The following LAMB4 variants were observed in gnomAD, a reference collection of about 807,000 sequenced individuals.
LAMB4 encodes laminin subunit beta 4.
In LAMB4, 196 loss-of-function variants were observed where a neutral mutation model predicts 199.2. The observed-to-expected ratio is 0.98, with a 90% CI of 0.88 to 1.11. The LOEUF (loss-of-function observed/expected upper bound fraction) is 1.11, where lower values mean the gene tolerates loss of function less well. Ranked by LOEUF, LAMB4 falls within the 50% of genes least tolerant of loss-of-function variation. The probability of loss-of-function intolerance (pLI) is 0.00; values close to 1 mark genes in which losing one functional copy is unlikely to be tolerated. For synonymous variants in LAMB4, 744 were observed against 770.6 expected, an observed-to-expected ratio of 0.97 and a Z score of 0.57; for missense variants, 2,080 against 2,171.2, an observed-to-expected ratio of 0.96 and a Z score of 0.83.
At chr7:108,094,441 C>T (rs569054757) in intron 12 of LAMB4, among the ~76,000 whole-genome samples, 3 of 152,130 alleles carry the variant, frequency 2.0e-5, no homozygotes, top group African/African-American at 4.8e-5. Flanking sequence ...CCCTCTGCCC[C>T]ATCCTGTTTT....
chr7:108,111,939 T>C lies in LAMB4; in HGVS notation c.200A>G (p.Gln67Arg), dbSNP rs751481050. The C allele has an allele frequency of 2.5e-6, 4 of 1,602,612 alleles. No individual in the cohort carries two copies. In the Admixed American group the frequency reaches 6.9e-5, roughly 28 times the overall value. Residue 67 changes from glutamine to arginine, a missense_variant, in exon 4 of 34, where the codon CAA becomes CGA. Transcript: ENST00000388781. ...YCILSYLEGE[Q>R]KCFICDSRFP... ...TCTAGAGTCACAGATGAAGCATTTT[T>C]GTTCCCCCTGGAAAACACCATTATT...
At chr7:108,030,777 C>T (rs767922958) in intron 32 of LAMB4, 29 bp downstream of exon 32, 7 of 1,601,028 alleles carry the variant, frequency 4.4e-6, no homozygotes, top group Admixed American at 3.5e-5. Flanking sequence ...TGCTTTTCTG[C>T]TCTTGGTGGC....
chr7:108,024,773 C>G (rs1203832289), intron 33 of LAMB4, among the ~76,000 whole-genome samples: 1 of 152,166 alleles, frequency 6.6e-6, no homozygotes, highest in Non-Finnish European at 1.5e-5. Flanking sequence ...ATCCATCTAT[C>G]TATACATTCA....
chr7:108,028,296 T>C (rs2034906598), intron 33 of LAMB4, among the ~76,000 whole-genome samples: 1 of 152,140 alleles, frequency 6.6e-6, no homozygotes, highest in Non-Finnish European at 1.5e-5. Context: ...CTCAGCACTA[T>C]TGACATTTTG....
intron 14 of LAMB4, among the ~76,000 whole-genome samples, chr7:108,080,313 A>AC (rs1174656487): frequency 1.3e-5 from 2 of 152,170 alleles, no homozygotes; most frequent in Non-Finnish European, 2.9e-5. Context: ...AGAATCCCTG[A>AC]CGGTCTCTAT....
intron 3 of LAMB4, among the ~76,000 whole-genome samples, chr7:108,114,299 C>T (rs889020262): frequency 6.6e-6 from 1 of 152,122 alleles, no homozygotes; most frequent in Non-Finnish European, 1.5e-5. Flanking sequence ...TGCTTGCCTA[C>T]TCCACCAGTA....
chr7:108,062,747 G>C, intron 23 of LAMB4, 27 bp downstream of exon 23: 5 of 1,257,764 alleles, frequency 4.0e-6, no homozygotes, highest in Admixed American at 3.0e-5. Flanking sequence ...CACTTTGAGT[G>C]CACTAGTAAG....
rs1372702694 is a variant in LAMB4, at chr7:108,057,875, C to G, written c.3336G>C (p.Glu1112Asp). 1.2e-6 allele frequency: 2 copies of G among 1,613,592 alleles called. No homozygotes were observed. Among genetic ancestry groups the G allele is most frequent in the African/African-American group, 2.7e-5 (2 of 74,864 alleles). The change falls in exon 24 of 34, where the codon GAG becomes GAC. Residue 1112 changes from glutamate (E) to aspartate (D), a missense_variant. Coordinates refer to ENST00000388781, the MANE Select transcript of LAMB4 (RefSeq NM_007356.3). ...GATCACCATAATAATTTTCCTGGCACTCACTGCAACGTTTCCCGCCGTAAC... is the reference window on the plus strand; with the variant it reads ...GATCACCATAATAATTTTCCTGGCAGTCACTGCAACGTTTCCCGCCGTAAC... ...KLGYGGKRCS[E>D]CQENYYGDPP... is the part of the protein sequence containing the mutation.
intron 30 of LAMB4, among the ~76,000 whole-genome samples, chr7:108,036,868 G>A (rs2035248901): frequency 1.4e-5 from 2 of 146,112 alleles, no homozygotes; most frequent in Admixed American, 1.4e-4. Flanking sequence ...GGTGCAAAAG[G>A]AATTGCGGTT....
At chr7:108,041,084 AG>A (rs780652225) in intron 29 of LAMB4, among the ~76,000 whole-genome samples, 1 of 152,214 alleles carries the variant, frequency 6.6e-6, no homozygotes, top group Non-Finnish European at 1.5e-5. Flanking sequence ...AAGTGGGCAA[AG>A]GACATAAACA....
chr7:108,015,154 C>T, the LAMB4 span, among the ~76,000 whole-genome samples: 1 of 152,202 alleles, frequency 6.6e-6, no homozygotes, highest in African/African-American at 2.4e-5. Context: ...AGTAATTGTT[C>T]TCTTGATCCT....
Position 108,052,151 on chromosome 7 carries a change from C to T in LAMB4, c.3862G>A (p.Asp1288Asn). The T allele has an allele frequency of 6.2e-7, 1 of 1,612,714 alleles. No individual in the cohort carries two copies. The highest frequency in any genetic ancestry group is 8.5e-7 in the Non-Finnish European group (1 of 1,179,416). The part of the protein sequence containing the change: ...AKNEADLLLE[D>N]LQEEIDLQSS... The stretch of plus-strand genomic sequence containing the variant: ...TGCAAATCAATTTCTTCCTGAAGGT[C>T]TTCAAGTAAGAGGTCTGCTTCATTC... Residue 1288 changes from aspartate to asparagine, a missense_variant, in exon 26 of 34, where the codon GAC becomes AAC. Physicochemically the swap from Asp to Asn is conservative, Grantham distance 23 (BLOSUM62 1). Coordinates refer to ENST00000388781, the MANE Select transcript of LAMB4 (RefSeq NM_007356.3).
intron 10 of LAMB4, among the ~76,000 whole-genome samples, chr7:108,099,304 C>CTT (rs2037737691): frequency 6.6e-6 from 1 of 152,130 alleles, no homozygotes; most frequent in Non-Finnish European, 1.5e-5. Flanking sequence ...TGGTAGCAAC[C>CTT]TTTTTCCTGT....
intron 23 of LAMB4, among the ~76,000 whole-genome samples, chr7:108,060,435 G>T (rs1180268372): frequency 2.0e-5 from 3 of 152,138 alleles, no homozygotes; most frequent in African/African-American, 7.2e-5. Flanking sequence ...GTGGAGGGGA[G>T]CTTATAAAAC....
rs74625110 is a variant in LAMB4 at position 108,023,797 on chromosome 7, G to T, written c.*242C>A. The T allele has an allele frequency of 0.067, 20,245 of 299,982 alleles. 1,050 individuals are homozygous for T. Among genetic ancestry groups the T allele is most frequent in the East Asian group, 0.23 (4,043 of 17,908 alleles). The allele number at this position is 299,982 out of a possible 1,614,324, so 18.6% of individuals were successfully genotyped here. The stretch of plus-strand genomic sequence containing the variant: ...TTTTAAGTTAGGAAAGAGAAAGGAA[G>T]GTAAGAGGAAAAGTTTCTGAAACCA... On this transcript the variant is annotated 3_prime_UTR_variant, in exon 34 of 34. Transcript: ENST00000388781.
In LAMB4 at chr7:108,037,613, GTT is replaced by G; in HGVS notation, c.4472-20_4472-19del. On this transcript the variant is annotated intron_variant, in intron 29 of 33. Coordinates refer to ENST00000388781, the MANE Select transcript of LAMB4 (RefSeq NM_007356.3). ...GTTTTCCTCTTAAATAAGAAGCAGG[GTT>G]TTAGGTAATCATGTCTCCTTAACAA... 6.3e-7 allele frequency: 1 copy of G among 1,591,448 alleles called. No homozygotes were observed.
At chr7:108,055,487 C>T (rs1198791014) in intron 25 of LAMB4, 145 bp downstream of exon 25, 2 of 916,264 alleles carry the variant, frequency 2.2e-6, no homozygotes, top group Non-Finnish European at 3.3e-6. Context: ...GCGCCCGGCC[C>T]AGCCTGGTTA....
Position 108,106,016 on chromosome 7 carries a change from G to A in LAMB4, c.671C>T (p.Thr224Ile), listed in dbSNP as rs759695716. Residue 224 changes from threonine to isoleucine, a missense_variant, in exon 8 of 34, where the codon ACA (threonine) becomes ATA (isoleucine). By Grantham distance (89) the Thr-to-Ile change is moderately conservative. Coordinates refer to ENST00000388781, the MANE Select transcript of LAMB4 (RefSeq NM_007356.3). Reference protein sequence around the residue: ...SPYIQDLVTLTNLRINFTKLH... With the variant: ...SPYIQDLVTLINLRINFTKLH... The stretch of plus-strand genomic sequence containing the variant: ...CTTGGTAAAGTTTATCCTCAGGTTT[G>A]TCAATGTCACAAGGTCTAAAGAAAG... The A allele has an allele frequency of 2.5e-6, 4 of 1,613,806 alleles. No homozygotes were observed. The Admixed American group carries it at 6.7e-5, about 27-fold the overall frequency.
At chr7:108,042,748 AAAAC>A (rs1178778835) in intron 29 of LAMB4, among the ~76,000 whole-genome samples, 1 of 152,208 alleles carries the variant, frequency 6.6e-6, no homozygotes, top group African/African-American at 2.4e-5. Context: ...CAACAACAAA[AAAAC>A]AAACCCAAAA....
Sources: gnomAD v4.1 joint callset for allele counts (sites outside exome capture counted in the v4.1 genomes callset) on GRCh38, gnomAD v4.1.1 for gene constraint, MANE v1.5 for transcripts, NCBI Gene and HGNC (gene_info 2026-07-23, HGNC 2026-07-21) for gene names.